RGS6: variants seen among roughly 807,000 people sequenced by gnomAD.
The protein encoded by RGS6 is regulator of G protein signaling 6, also known as regulator of G-protein signaling 6.
In RGS6, 30 loss-of-function variants were observed where a neutral mutation model predicts 78.5. The observed-to-expected ratio is 0.38, with a 90% CI of 0.29 to 0.52. The LOEUF (loss-of-function observed/expected upper bound fraction) is 0.52, where lower values mean the gene tolerates loss of function less well. RGS6 is among the 20% of genes least tolerant of loss of function. The pLI is 0.85. For missense variants in RGS6, 495 were observed against 609.7 expected (o/e 0.81, Z 1.98); for synonymous variants, 206 against 206.0 (o/e 1.00, Z 0.00).
chr14:72,262,010 T>C (rs1271861236), intron 2 of RGS6, among the ~76,000 whole-genome samples: 2 of 152,180 alleles, frequency 1.3e-5, no homozygotes, highest in African/African-American at 2.4e-5. Flanking sequence ...ATATAAAATA[T>C]GAAGACATTA....
rs376047822 is a variant in RGS6, at chr14:72,429,516, C to G, written c.185-25012C>G. 2.8e-4 allele frequency among the ~76,000 whole-genome samples: 43 copies of G among 152,202 alleles called. No homozygotes were observed. The East Asian group carries it at 7.7e-3, about 27-fold the overall frequency. On this transcript the variant is annotated intron_variant, in intron 3 of 17. Coordinates refer to ENST00000553525, the MANE Select transcript of RGS6 (RefSeq NM_001204424.2). ...AGAGTAGAGGAGAGGTTGGGGACAA[C>G]AGAATGAAGCCAGCCAGAAAAAGAG... is the stretch of plus-strand genomic sequence containing the variant.
At chr14:72,554,425 G>T (rs545890283) in intron 17 of RGS6, among the ~76,000 whole-genome samples, 2 of 152,332 alleles carry the variant, frequency 1.3e-5, no homozygotes, top group South Asian at 4.1e-4. Flanking sequence ...CGTAGTCATA[G>T]TCAAGGGTTA....
At chr14:72,032,192 A>G (rs538807145) in intron 2 of RGS6, among the ~76,000 whole-genome samples, 1 of 152,292 alleles carries the variant, frequency 6.6e-6, no homozygotes, top group Admixed American at 6.5e-5. Flanking sequence ...GGAATGAATT[A>G]ATTGGGGAAG....
chr14:72,358,377 G>C (rs538708664), intron 3 of RGS6, among the ~76,000 whole-genome samples: 1 of 152,234 alleles, frequency 6.6e-6, no homozygotes, highest in Non-Finnish European at 1.5e-5. Context: ...TGTGCAACTG[G>C]AAAAGCTGCA....
chr14:72,377,511 A>C (rs1164808353), intron 3 of RGS6, among the ~76,000 whole-genome samples: 1 of 152,190 alleles, frequency 6.6e-6, no homozygotes, highest in Non-Finnish European at 1.5e-5. Flanking sequence ...TCAACAAAGA[A>C]ACATCAGATT....
rs1001249634 is a variant in RGS6, at chr14:72,297,357, TGAAAA to T, written c.85-54734_85-54730del. Among the ~76,000 whole-genome samples, 11 of 151,530 alleles carry T rather than the reference TGAAAA, an allele frequency of 7.3e-5. No homozygotes were observed. The South Asian group carries it at 8.3e-4, about 11-fold the overall frequency. On this transcript the variant is annotated intron_variant, in intron 2 of 17. Transcript: ENST00000553525. ...GATCTATTAAGTCATTAGATAAACT[TGAAAA>T]GAACCAACATCTTAAGAATATTGAG...
At chr14:72,589,141 A>G in the RGS6 span, among the ~76,000 whole-genome samples, 8 of 151,944 alleles carry the variant, frequency 5.3e-5, no homozygotes, top group Non-Finnish European at 8.8e-5. Flanking sequence ...TTTAAAACCA[A>G]CTGCCATTTC....
intron 3 of RGS6, among the ~76,000 whole-genome samples, chr14:72,421,383 A>G (rs1173616113): frequency 1.3e-5 from 2 of 152,164 alleles, no homozygotes; most frequent in Non-Finnish European, 2.9e-5. Flanking sequence ...AATTATTTAC[A>G]TTTTAAACTA....
At chr14:72,494,873 G>A (rs2096624113) in intron 12 of RGS6, among the ~76,000 whole-genome samples, 1 of 152,128 alleles carries the variant, frequency 6.6e-6, no homozygotes, top group Non-Finnish European at 1.5e-5. Context: ...CATAACCAGG[G>A]AGAGATGCAC....
chr14:71,962,320 C>T (rs1251700816), intron 1 of RGS6, among the ~76,000 whole-genome samples: 1 of 152,104 alleles, frequency 6.6e-6, no homozygotes, highest in Non-Finnish European at 1.5e-5. Flanking sequence ...AGAGGGAGGC[C>T]TGACACGTTT....
At chr14:71,915,898 C>G in the RGS6 span, among the ~76,000 whole-genome samples, 1 of 152,164 alleles carries the variant, frequency 6.6e-6, no homozygotes, top group Non-Finnish European at 1.5e-5. Flanking sequence ...CACAGAGAAA[C>G]ACCAGGGATG....
chr14:72,251,486 G>C (rs532019846), intron 2 of RGS6, among the ~76,000 whole-genome samples: 1 of 152,300 alleles, frequency 6.6e-6, no homozygotes, highest in Admixed American at 6.5e-5. Flanking sequence ...GGCACTTTCT[G>C]AGGTATTCCA....
intron 3 of RGS6, among the ~76,000 whole-genome samples, chr14:72,422,717 G>A (rs1185781267): frequency 6.6e-6 from 1 of 152,216 alleles, no homozygotes; most frequent in Admixed American, 6.5e-5. Context: ...GCCAAGCACA[G>A]TGGTGACAGA....
chr14:72,465,686 A>G, intron 6 of RGS6, 72 bp from the exon 7 acceptor site: 1 of 1,080,070 alleles, frequency 9.3e-7, no homozygotes, highest in Non-Finnish European at 1.4e-6. Flanking sequence ...GGATGGACAG[A>G]TGGATGGATG....
At chr14:72,345,029 A>T (rs192630059) in intron 2 of RGS6, among the ~76,000 whole-genome samples, 120 of 151,874 alleles carry the variant, frequency 7.9e-4, no homozygotes, top group African/African-American at 2.8e-3. Context: ...CTTCTTCCCC[A>T]CCTCCTGTGC....
At chr14:72,198,712 G>C (rs2040783102) in intron 2 of RGS6, among the ~76,000 whole-genome samples, 1 of 152,242 alleles carries the variant, frequency 6.6e-6, no homozygotes. Context: ...CTTCCTTCGA[G>C]TCATATAGTT....
At chr14:72,077,515 A>G (rs181672232) in intron 2 of RGS6, among the ~76,000 whole-genome samples, 27 of 152,238 alleles carry the variant, frequency 1.8e-4, no homozygotes, top group African/African-American at 4.8e-4. Context: ...TCCACCCCAG[A>G]GTTATCAACT....
intron 2 of RGS6, among the ~76,000 whole-genome samples, chr14:72,077,436 A>T (rs899307116): frequency 6.6e-6 from 1 of 151,836 alleles, no homozygotes; most frequent in East Asian, 1.9e-4. Flanking sequence ...GCTAAATTTT[A>T]TGTCATCATA....
chr14:72,596,250 C>A, the RGS6 span, among the ~76,000 whole-genome samples: 3 of 152,168 alleles, frequency 2.0e-5, no homozygotes, highest in African/African-American at 7.2e-5. Flanking sequence ...TGGCTTGTCA[C>A]TCCCTTCCAT....
Sources: gnomAD v4.1 joint callset for allele counts (sites outside exome capture counted in the v4.1 genomes callset) on GRCh38, gnomAD v4.1.1 for gene constraint, MANE v1.5 for transcripts, NCBI Gene and HGNC (gene_info 2026-07-23, HGNC 2026-07-21) for gene names.